The following AKAP6 variants were observed in gnomAD, a reference collection of about 807,000 sequenced individuals.
AKAP6 encodes the protein A-kinase anchor protein 6.
A neutral mutation model predicts 188.5 loss-of-function variants in AKAP6; 58 were observed. The observed-to-expected ratio is 0.31, with a 90% CI of 0.25 to 0.38. The LOEUF is 0.38. AKAP6 is among the 10% of genes least tolerant of loss of function. The pLI is 1.00. For missense variants in AKAP6, 2,710 were observed against 2,740.0 expected, an observed-to-expected ratio of 0.99 and a Z score of 0.24; for synonymous variants, 989 against 998.6, an observed-to-expected ratio of 0.99 and a Z score of 0.18.
At chr14:32,729,022 TA>T (rs1293775307) in intron 9 of AKAP6, among the ~76,000 whole-genome samples, 5 of 152,200 alleles carry the variant, frequency 3.3e-5, no homozygotes, top group African/African-American at 9.7e-5. Flanking sequence ...GTTTATTTTT[TA>T]TTTTTTTTAT....
intron 5 of AKAP6, among the ~76,000 whole-genome samples, chr14:32,578,260 T>C (rs926522928): frequency 1.3e-5 from 2 of 152,060 alleles, no homozygotes; most frequent in African/African-American, 4.8e-5. Context: ...GTTTCAGGTT[T>C]TGGTGTTTGT....
Position 32,637,274 on chromosome 14 carries a change from C to T in AKAP6, c.2730+36482C>T, listed in dbSNP as rs570057796. ...GGGAAGAAAGCAAGAATGTAGTCAG[C>T]GCAGGCTGTTGAAGAAGTAATGAGT... On this transcript the variant is annotated intron_variant, in intron 7 of 13. Coordinates refer to ENST00000280979, the MANE Select transcript of AKAP6 (RefSeq NM_004274.5). 9.9e-5 allele frequency among the ~76,000 whole-genome samples: 15 copies of T among 151,968 alleles called. No individual in the cohort carries two copies. The South Asian group carries it at 1.2e-3, about 13-fold the overall frequency.
At chr14:32,785,963 C>T (rs1040703165) in intron 12 of AKAP6, among the ~76,000 whole-genome samples, 1 of 152,092 alleles carries the variant, frequency 6.6e-6, no homozygotes, top group Non-Finnish European at 1.5e-5. Context: ...CACAAAGTGT[C>T]GTATTACATT....
At chr14:32,731,742 A>G (rs549976233) in intron 9 of AKAP6, among the ~76,000 whole-genome samples, 1 of 152,246 alleles carries the variant, frequency 6.6e-6, no homozygotes, top group East Asian at 1.9e-4. Flanking sequence ...GAGAATCACC[A>G]TAGTAACTGT....
In AKAP6 at chr14:32,642,717, C is replaced by T. The variant is rs1887813034; in HGVS notation, c.2731-35594C>T. Among the ~76,000 whole-genome samples the T allele has an allele frequency of 2.0e-5, 3 of 152,154 alleles. No homozygotes were observed. In the South Asian group the frequency reaches 6.2e-4, roughly 32 times the overall value. On this transcript the variant is annotated intron_variant, in intron 7 of 13. Transcript: ENST00000280979. ...CAAATATAAATGAATTCCCCATAAACATTAAATGATCCCTCAAGAAACCTT... is the reference window on the plus strand; with the variant it reads ...CAAATATAAATGAATTCCCCATAAATATTAAATGATCCCTCAAGAAACCTT...
chr14:32,602,994 A>G (rs1353153225), intron 7 of AKAP6, among the ~76,000 whole-genome samples: 1 of 152,176 alleles, frequency 6.6e-6, no homozygotes, highest in Non-Finnish European at 1.5e-5. Flanking sequence ...AACAGATTTT[A>G]ATAACTGCCT....
At chr14:32,811,366 C>G (rs1234333533) in intron 12 of AKAP6, among the ~76,000 whole-genome samples, 1 of 151,570 alleles carries the variant, frequency 6.6e-6, no homozygotes, top group Non-Finnish European at 1.5e-5. Flanking sequence ...TAATCATAGT[C>G]TCATTATTAA....
intron 7 of AKAP6, among the ~76,000 whole-genome samples, chr14:32,670,402 A>G (rs73264838): frequency 0.012 from 1,869 of 152,180 alleles, 40 homozygotes; most frequent in African/African-American, 0.043. Flanking sequence ...GTCTTTCCAG[A>G]AGAAGGAAGC....
chr14:32,600,905 T>TTA, intron 7 of AKAP6, 113 bp downstream of exon 7: 3 of 985,070 alleles, frequency 3.0e-6, no homozygotes, highest in Non-Finnish European at 2.9e-6. Flanking sequence ...TGGGTAAACT[T>TTA]TATATCTCTC....
intron 7 of AKAP6, among the ~76,000 whole-genome samples, chr14:32,620,819 T>G (rs1337732147): frequency 6.6e-6 from 1 of 151,928 alleles, no homozygotes; most frequent in Non-Finnish European, 1.5e-5. Flanking sequence ...AGTTTTTTTT[T>G]TAATTATTGA....
chr14:32,368,657 G>A (rs1887911595), intron 1 of AKAP6, among the ~76,000 whole-genome samples: 1 of 152,142 alleles, frequency 6.6e-6, no homozygotes, highest in Admixed American at 6.5e-5. Flanking sequence ...TCTGACTGAA[G>A]ATTAGACTGT....
At chr14:32,719,101 G>A (rs981053669) in intron 9 of AKAP6, among the ~76,000 whole-genome samples, 1 of 152,024 alleles carries the variant, frequency 6.6e-6, no homozygotes. Context: ...AAACTCCATA[G>A]CATTATGGAT....
In AKAP6 at chr14:32,824,134, G is replaced by A. The variant is rs1253997920; in HGVS notation, c.6321G>A (p.Gly2107=). The change falls in exon 13 of 14, where the codon GGG becomes GGA. Residue 2107 remains glycine, a synonymous_variant. Transcript: ENST00000280979. ...HSHRPIQLRK[G]DFYSYLSLSS... ...ACCGGCCCATCCAGCTGAGAAAAGG[G>A]GACTTTTATTCGTACTTATCTCTCT... 2.1e-5 allele frequency: 34 copies of A among 1,613,784 alleles called. No individual in the cohort carries two copies. Among genetic ancestry groups the A allele is most frequent in the Non-Finnish European group, 2.8e-5 (33 of 1,179,920 alleles).
chr14:32,801,288 A>G (rs144312201), intron 12 of AKAP6, among the ~76,000 whole-genome samples: 8 of 151,706 alleles, frequency 5.3e-5, no homozygotes, highest in African/African-American at 9.7e-5. Flanking sequence ...CTTTTAATGT[A>G]TCAATTATAT....
At chr14:32,547,069 A>G in intron 4 of AKAP6, 70 bp downstream of exon 4, 1 of 1,322,556 alleles carries the variant, frequency 7.6e-7, no homozygotes, top group Middle Eastern at 2.4e-4. Context: ...AGAAGGTCAC[A>G]CTCCTACACT....
intron 3 of AKAP6, among the ~76,000 whole-genome samples, chr14:32,542,043 T>TATGTAA (rs1239516057): frequency 2.0e-5 from 3 of 152,222 alleles, no homozygotes; most frequent in African/African-American, 7.2e-5. Context: ...CACTCATCCA[T>TATGTAA]GTACTAGACT....
intron 2 of AKAP6, among the ~76,000 whole-genome samples, chr14:32,522,208 A>C (rs1881874808): frequency 6.6e-6 from 1 of 152,356 alleles, no homozygotes; most frequent in South Asian, 2.1e-4. Context: ...TAAAGACTTA[A>C]ATGTTAGACC....
At chr14:32,623,877 C>T (rs1253884958) in intron 7 of AKAP6, among the ~76,000 whole-genome samples, 3 of 152,178 alleles carry the variant, frequency 2.0e-5, no homozygotes, top group South Asian at 2.1e-4. Flanking sequence ...CTGACTGCCC[C>T]GACTGTGTTA....
At chr14:32,542,453 G>T (rs1376806819) in intron 3 of AKAP6, among the ~76,000 whole-genome samples, 1 of 152,114 alleles carries the variant, frequency 6.6e-6, no homozygotes, top group Non-Finnish European at 1.5e-5. Context: ...AAAACAAATT[G>T]ATCAGATAAT....
Sources: gnomAD v4.1 joint callset for allele counts (sites outside exome capture counted in the v4.1 genomes callset) on GRCh38, gnomAD v4.1.1 for gene constraint, MANE v1.5 for transcripts, NCBI Gene and HGNC (gene_info 2026-07-23, HGNC 2026-07-21) for gene names.